CADPS: variants seen among roughly 807,000 people sequenced by gnomAD.
The protein encoded by CADPS is calcium-dependent secretion activator 1.
A neutral mutation model predicts 167.3 loss-of-function variants in CADPS; 57 were observed. The observed-to-expected ratio is 0.34, with a 90% CI of 0.28 to 0.42. The LOEUF is 0.42. CADPS is among the 20% of genes least tolerant of loss of function. The probability of loss-of-function intolerance (pLI) is 1.00; values close to 1 mark genes in which losing one functional copy is unlikely to be tolerated. For synonymous variants in CADPS, 676 were observed against 635.3 expected (o/e 1.06, Z -0.96); for missense variants, 1,414 against 1,738.1 (o/e 0.81, Z 3.32).
chr3:62,479,365 C>G (rs2061688298), intron 22 of CADPS, among the ~76,000 whole-genome samples: 1 of 152,190 alleles, frequency 6.6e-6, no homozygotes, highest in South Asian at 2.1e-4. Context: ...GTCCTCCCCC[C>G]CACCCACTTC....
chr3:62,462,385 A>G (rs1470706790), intron 26 of CADPS, among the ~76,000 whole-genome samples: 1 of 152,220 alleles, frequency 6.6e-6, no homozygotes, highest in Non-Finnish European at 1.5e-5. Context: ...GCAGATGGAG[A>G]CGAGAAATAA....
intron 18 of CADPS, among the ~76,000 whole-genome samples, chr3:62,494,987 G>T (rs2064445402): frequency 6.6e-6 from 1 of 152,208 alleles, no homozygotes; most frequent in Admixed American, 6.5e-5. Flanking sequence ...TAGCTTAAAA[G>T]TTGCAAACCA....
In CADPS at chr3:62,842,466, A is replaced by G. The variant is rs116584102; in HGVS notation, c.441+32123T>C. Reference sequence around the variant, plus strand: ...AGCCAATCAAGATAATCTTGTTTTCAATTTCACAGCAAGACTATGTGTTTA... The same window carrying G: ...AGCCAATCAAGATAATCTTGTTTTCGATTTCACAGCAAGACTATGTGTTTA... On this transcript the variant is annotated intron_variant, in intron 1 of 29. Coordinates refer to ENST00000383710, the MANE Select transcript of CADPS (RefSeq NM_003716.4). Among the ~76,000 whole-genome samples, 945 of 152,336 alleles carry G rather than the reference A, an allele frequency of 6.2e-3. 9 individuals carry two copies. Among genetic ancestry groups the G allele is most frequent in the African/African-American group, 0.022 (915 of 41,572 alleles).
At chr3:62,502,331 C>T (rs1576914858) in intron 17 of CADPS, among the ~76,000 whole-genome samples, 1 of 151,538 alleles carries the variant, frequency 6.6e-6, no homozygotes, top group Admixed American at 6.6e-5. Context: ...CCACTTAACG[C>T]TGTCTTCAGA....
intron 4 of CADPS, among the ~76,000 whole-genome samples, chr3:62,661,672 A>G (rs2073239493): frequency 6.6e-6 from 1 of 152,114 alleles, no homozygotes; most frequent in African/African-American, 2.4e-5. Context: ...TATCCGGGCA[A>G]CTGTGTGCAG....
At chr3:62,869,865 G>A (rs1242430268) in intron 1 of CADPS, among the ~76,000 whole-genome samples, 1 of 152,078 alleles carries the variant, frequency 6.6e-6, no homozygotes, top group African/African-American at 2.4e-5. Context: ...CACAGATGCT[G>A]GTTATATTTC....
At chr3:62,479,846 G>A (rs1468783880) in intron 22 of CADPS, among the ~76,000 whole-genome samples, 1 of 152,202 alleles carries the variant, frequency 6.6e-6, no homozygotes, top group Non-Finnish European at 1.5e-5. Flanking sequence ...GTGGGGGAAT[G>A]CGTTGTTTCT....
intron 3 of CADPS, among the ~76,000 whole-genome samples, chr3:62,725,118 CT>C (rs1313680967): frequency 6.6e-6 from 1 of 152,174 alleles, no homozygotes; most frequent in Non-Finnish European, 1.5e-5. Context: ...CAATCTTCTC[CT>C]CAAAACCCAA....
At chr3:62,498,307 T>C (rs2065149511) in intron 18 of CADPS, among the ~76,000 whole-genome samples, 1 of 152,204 alleles carries the variant, frequency 6.6e-6, no homozygotes, top group African/African-American at 2.4e-5. Flanking sequence ...GGAATGACCA[T>C]TTTAGGTACT....
chr3:62,550,977 CT>C, intron 10 of CADPS: 1 of 454,944 alleles, frequency 2.2e-6, no homozygotes, highest in Non-Finnish European at 4.4e-6. Flanking sequence ...TCCTCCTCCT[CT>C]TCCTGATTTT....
Position 62,741,575 on chromosome 3 carries a change from C to T in CADPS, c.888+11866G>A, listed in dbSNP as rs1418287268. On this transcript the variant is annotated intron_variant, in intron 3 of 29. Transcript: ENST00000383710. ...AAGGCTTTTAATAAAATCCAACATC[C>T]ATTCATGTTAAAAACTCTCAATAAA... Among the ~76,000 whole-genome samples the T allele has an allele frequency of 3.9e-5, 6 of 152,282 alleles. No homozygotes were observed. In the South Asian group the frequency reaches 8.3e-4, roughly 21 times the overall value.
intron 27 of CADPS, 44 bp downstream of exon 27, chr3:62,445,721 A>AC (rs2057102236): frequency 7.2e-7 from 1 of 1,397,888 alleles, no homozygotes; most frequent in African/African-American, 1.5e-5. Context: ...TGAAAAAAAA[A>AC]AAAAACAAAA....
intron 6 of CADPS, among the ~76,000 whole-genome samples, chr3:62,593,479 G>C (rs1206510809): frequency 2.0e-5 from 3 of 152,162 alleles, no homozygotes; most frequent in Non-Finnish European, 4.4e-5. Context: ...TTCTTACAGA[G>C]AATTCATCTC....
chr3:62,768,808 C>A (rs911333690), intron 1 of CADPS, among the ~76,000 whole-genome samples: 2 of 152,128 alleles, frequency 1.3e-5, no homozygotes, highest in Non-Finnish European at 2.9e-5. Context: ...GAGAAAGGAG[C>A]TAAGGAACTT....
At chr3:62,628,469 C>T (rs1255799023) in intron 6 of CADPS, among the ~76,000 whole-genome samples, 1 of 152,014 alleles carries the variant, frequency 6.6e-6, no homozygotes, top group Non-Finnish European at 1.5e-5. Flanking sequence ...AGTGACTTCC[C>T]AGGTGGGGTG....
intron 26 of CADPS, among the ~76,000 whole-genome samples, chr3:62,456,589 C>A (rs570947200): frequency 1.1e-4 from 17 of 152,116 alleles, no homozygotes; most frequent in African/African-American, 3.1e-4. Context: ...AAAATAATAA[C>A]CCTCTCACAA....
chr3:62,455,806 G>A lies in CADPS; in HGVS notation c.3636+9561C>T, dbSNP rs1159890453. 6.6e-6 allele frequency among the ~76,000 whole-genome samples: 1 copy of A among 152,182 alleles called. No individual in the cohort carries two copies. Among genetic ancestry groups the A allele is most frequent in the East Asian group, 1.9e-4 (1 of 5,188 alleles). On this transcript the variant is annotated intron_variant, in intron 26 of 29. Transcript: ENST00000383710. The surrounding 1 kb of genome is among the most constrained non-coding windows in gnomAD (Gnocchi z 4.4). Reference sequence around the variant, plus strand: ...GGCTTCCACATGGCTTTGGTGCTGAGCAAGTGAGGGCTATATTGTTGTTAC... The same window carrying A: ...GGCTTCCACATGGCTTTGGTGCTGAACAAGTGAGGGCTATATTGTTGTTAC...
At chr3:62,589,004 T>G (rs34455180) in intron 7 of CADPS, among the ~76,000 whole-genome samples, 78,050 of 152,032 alleles carry the variant, frequency 0.51, 23,291 homozygotes, top group Non-Finnish European at 0.66. Flanking sequence ...GATACGAGGG[T>G]GAGATAGAAG....
chr3:62,771,607 A>C (rs2088784369), intron 1 of CADPS, among the ~76,000 whole-genome samples: 1 of 152,206 alleles, frequency 6.6e-6, no homozygotes, highest in Non-Finnish European at 1.5e-5. Context: ...ATCCTCCTAA[A>C]ATAGAAGTCC....
Sources: gnomAD v4.1 joint callset for allele counts (sites outside exome capture counted in the v4.1 genomes callset) on GRCh38, gnomAD v4.1.1 for gene constraint, Gnocchi (gnomAD v3.1) non-coding constraint, MANE v1.5 for transcripts, NCBI Gene and HGNC (gene_info 2026-07-23, HGNC 2026-07-21) for gene names.